The following PDSS2 variants were observed in gnomAD, a reference collection of about 807,000 sequenced individuals.
PDSS2 encodes the protein decaprenyl diphosphate synthase subunit 2.
A neutral mutation model predicts 44.5 loss-of-function variants in PDSS2; 31 were observed. That is an observed-to-expected ratio of 0.70 (90% CI 0.52 to 0.94). The LOEUF (loss-of-function observed/expected upper bound fraction) is 0.94. Among genes scored for constraint, PDSS2 ranks in the 40% least tolerant of loss-of-function variants. PDSS2 has a pLI of 0.00. For missense variants in PDSS2, 452 were observed against 482.2 expected (o/e 0.94, Z 0.59); for synonymous variants, 157 against 180.3 (o/e 0.87, Z 1.03).
At chr6:107,392,002 A>C (rs1779799511) in intron 1 of PDSS2, among the ~76,000 whole-genome samples, 1 of 152,160 alleles carries the variant, frequency 6.6e-6, no homozygotes, top group African/African-American at 2.4e-5. Flanking sequence ...ATATTTTATA[A>C]AAAGGATTTT....
chr6:107,189,100 T>C (rs1455607291), intron 7 of PDSS2, among the ~76,000 whole-genome samples: 1 of 152,052 alleles, frequency 6.6e-6, no homozygotes, highest in Admixed American at 6.6e-5. Flanking sequence ...TAGCACGGAG[T>C]GCAGTGACAC....
intron 1 of PDSS2, among the ~76,000 whole-genome samples, chr6:107,415,670 T>C (rs1364869238): frequency 1.3e-5 from 2 of 152,246 alleles, no homozygotes; most frequent in Non-Finnish European, 2.9e-5. Flanking sequence ...TTTGTATCCC[T>C]ACACCTACAC....
At chr6:107,383,712 A>C (rs552196090) in intron 1 of PDSS2, among the ~76,000 whole-genome samples, 1 of 152,338 alleles carries the variant, frequency 6.6e-6, no homozygotes, top group Non-Finnish European at 1.5e-5. Flanking sequence ...CCATTAAAGA[A>C]ATGCAAATCA....
At chr6:107,254,692 C>T (rs1774946533) in intron 3 of PDSS2, among the ~76,000 whole-genome samples, 1 of 152,064 alleles carries the variant, frequency 6.6e-6, no homozygotes, top group African/African-American at 2.4e-5. Flanking sequence ...TAGTGTTGGG[C>T]CCATTTTTAT....
In PDSS2 at chr6:107,187,708, G is replaced by C. The variant is rs888215529; in HGVS notation, c.1041+6114C>G. On this transcript the variant is annotated intron_variant, in intron 7 of 7. Coordinates refer to ENST00000369037, the MANE Select transcript of PDSS2 (RefSeq NM_020381.4). ...CTTAAAATGACTAATTTGAGTCTACGGTCCTCGATCCCAGACCTCTCCTAA... is the reference window on the plus strand; with the variant it reads ...CTTAAAATGACTAATTTGAGTCTACCGTCCTCGATCCCAGACCTCTCCTAA... Among the ~76,000 whole-genome samples, 7 of 151,202 alleles carry C rather than the reference G, an allele frequency of 4.6e-5. No individual in the cohort carries two copies. In the South Asian group the frequency reaches 1.5e-3, roughly 32 times the overall value.
At chr6:107,445,024 A>G (rs962094194) in intron 1 of PDSS2, among the ~76,000 whole-genome samples, 3 of 152,176 alleles carry the variant, frequency 2.0e-5, no homozygotes, top group African/African-American at 7.2e-5. Context: ...CTTACTACTC[A>G]AAGAATCATC....
intron 2 of PDSS2, among the ~76,000 whole-genome samples, chr6:107,282,697 C>G (rs1185850111): frequency 6.6e-6 from 1 of 151,304 alleles, no homozygotes; most frequent in Non-Finnish European, 1.5e-5. Context: ...AACCCCGACT[C>G]TACTAAAAAA....
At chr6:107,196,973 A>C (rs1344910316) in intron 6 of PDSS2, among the ~76,000 whole-genome samples, 1 of 152,224 alleles carries the variant, frequency 6.6e-6, no homozygotes, top group African/African-American at 2.4e-5. Flanking sequence ...GGTACACTGG[A>C]GAGGAAATGG....
Position 107,154,369 on chromosome 6 carries a change from T to A in PDSS2, c.*250A>T, listed in dbSNP as rs1582702418. ...GCTGAGGTCACAGGAGCGAATCTCA[T>A]TAATTATTTCTGCGACTGCAGCCTC... On this transcript the variant is annotated 3_prime_UTR_variant, in exon 8 of 8. Coordinates refer to ENST00000369037, the MANE Select transcript of PDSS2 (RefSeq NM_020381.4). The A allele has an allele frequency of 4.4e-6, 2 of 455,842 alleles. No individual in the cohort carries two copies. The highest frequency in any genetic ancestry group is 9.0e-5 in the East Asian group (2 of 22,334). 28.2% of individuals were successfully genotyped at this position (455,842 alleles called of 1,614,324 possible).
chr6:107,194,913 C>A (rs1772501639), intron 6 of PDSS2, among the ~76,000 whole-genome samples: 2 of 151,900 alleles, frequency 1.3e-5, no homozygotes, highest in African/African-American at 4.8e-5. Flanking sequence ...GAGATCATGC[C>A]ACTGCACTCC....
At chr6:107,347,811 C>T (rs1310721017) in intron 1 of PDSS2, among the ~76,000 whole-genome samples, 1 of 152,024 alleles carries the variant, frequency 6.6e-6, no homozygotes, top group East Asian at 1.9e-4. Flanking sequence ...GCTTTTTGTT[C>T]CCATCTTAAT....
chr6:107,167,791 G>A (rs1199603516), intron 7 of PDSS2, among the ~76,000 whole-genome samples: 6 of 152,110 alleles, frequency 3.9e-5, no homozygotes, highest in African/African-American at 9.7e-5. Context: ...AGCAGTTTTG[G>A]GTGAGTTTCT....
chr6:107,315,406 T>C (rs534319355), intron 2 of PDSS2, among the ~76,000 whole-genome samples: 8 of 152,352 alleles, frequency 5.3e-5, no homozygotes, highest in African/African-American at 1.9e-4. Context: ...AAAGTCCTGA[T>C]TGGACTGTTA....
intron 1 of PDSS2, among the ~76,000 whole-genome samples, chr6:107,439,683 C>G (rs1781458955): frequency 6.6e-6 from 1 of 152,196 alleles, no homozygotes; most frequent in Admixed American, 6.5e-5. Flanking sequence ...GAAGCACTTA[C>G]AGTGGTACGT....
chr6:107,289,383 A>AG (rs1382036231), intron 2 of PDSS2, among the ~76,000 whole-genome samples: 3 of 149,524 alleles, frequency 2.0e-5, no homozygotes, highest in Non-Finnish European at 3.0e-5. Context: ...AAAAAAAAAA[A>AG]AAAGAAAGAA....
Position 107,310,919 on chromosome 6 carries a change from C to CT in PDSS2, c.431+23278dup, listed in dbSNP as rs370360594. ...TTCAAGTATATTTAGCAAAAATAAA[C>CT]TTTTTTTTTTTTTTTTGAAATGAAG... On this transcript the variant is annotated intron_variant, in intron 2 of 7. Transcript: ENST00000369037. 5.4e-3 allele frequency among the ~76,000 whole-genome samples: 765 copies of CT among 140,900 alleles called. 5 individuals are homozygous for CT. The highest frequency in any genetic ancestry group is 0.014 in the Middle Eastern group (4 of 276). The allele number at this position is 140,900 out of a possible 152,430, so 92.4% of individuals were successfully genotyped here. A position where few individuals can be genotyped will look rare whatever the true frequency, so the allele number is the denominator to read the frequency against.
chr6:107,226,697 T>C (rs1773835288), intron 4 of PDSS2, among the ~76,000 whole-genome samples: 1 of 140,754 alleles, frequency 7.1e-6, no homozygotes, highest in African/African-American at 2.6e-5. Flanking sequence ...TGAGATGGAG[T>C]CTCGTTCTGT....
At chr6:107,420,699 G>A (rs1002324472) in intron 1 of PDSS2, among the ~76,000 whole-genome samples, 3 of 152,026 alleles carry the variant, frequency 2.0e-5, no homozygotes, top group African/African-American at 4.8e-5. Context: ...AAAGGATCAC[G>A]GATTTATGTA....
At chr6:107,214,284 T>C (rs1244222035) in intron 4 of PDSS2, among the ~76,000 whole-genome samples, 1 of 152,058 alleles carries the variant, frequency 6.6e-6, no homozygotes, top group Non-Finnish European at 1.5e-5. Flanking sequence ...TTTGTATTTT[T>C]AGTAGAGACG....
Sources: gnomAD v4.1 joint callset for allele counts (sites outside exome capture counted in the v4.1 genomes callset) on GRCh38, gnomAD v4.1.1 for gene constraint, MANE v1.5 for transcripts, NCBI Gene and HGNC (gene_info 2026-07-23, HGNC 2026-07-21) for gene names.